The following TENM1 variants were observed in gnomAD, a reference collection of about 807,000 sequenced individuals.
The protein encoded by TENM1 is teneurin-1.
A neutral mutation model predicts 174.8 loss-of-function variants in TENM1; 35 were observed. The observed-to-expected ratio is 0.20, with a 90% CI of 0.15 to 0.27. The LOEUF (loss-of-function observed/expected upper bound fraction) is 0.27, where lower values mean the gene tolerates loss of function less well. Ranked by LOEUF, TENM1 falls within the 10% of genes least tolerant of loss-of-function variation. TENM1 has a pLI of 1.00. For synonymous variants in TENM1, 781 were observed against 798.7 expected (o/e 0.98, Z 0.37); for missense variants, 1,633 against 2,130.1 (o/e 0.77, Z 4.59).
At chrX:125,132,676 G>A in the TENM1 span, among the ~76,000 whole-genome samples, 1 of 111,532 alleles carries the variant, frequency 9.0e-6, no homozygotes, top group Non-Finnish European at 1.9e-5. Flanking sequence ...ATTGATTGTA[G>A]GTACTATTAT....
chrX:124,827,733 G>C (rs186927821), intron 3 of TENM1, among the ~76,000 whole-genome samples: 1 of 111,690 alleles, frequency 9.0e-6, no homozygotes, highest in Non-Finnish European at 1.9e-5. Flanking sequence ...GATAAGCAGC[G>C]TGTACCCTTA....
chrX:124,545,781 T>C (rs2048415271), intron 15 of TENM1, among the ~76,000 whole-genome samples: 1 of 111,837 alleles, frequency 8.9e-6, no homozygotes, highest in Admixed American at 9.5e-5. Flanking sequence ...AAGGAAAACT[T>C]TGACTAGATC....
At position 124,575,106 on chromosome X, in the gene TENM1, T is replaced by C. The variant is rs767287408; in HGVS notation, c.2078-9546A>G. ...TTGGTGTCTATTTCTCTAAAAGTAA[T>C]TAGAAGAACATATTAGTTGATGAGG... On this transcript the variant is annotated intron_variant, in intron 11 of 31. Transcript: ENST00000422452. Among the ~76,000 whole-genome samples the C allele has an allele frequency of 4.5e-5, 5 of 111,995 alleles. No homozygotes were observed. In the East Asian group the frequency reaches 1.4e-3, roughly 31 times the overall value.
the TENM1 span, among the ~76,000 whole-genome samples, chrX:125,150,888 C>G: frequency 2.7e-5 from 3 of 112,227 alleles, no homozygotes; most frequent in Non-Finnish European, 5.6e-5. Flanking sequence ...TCAGTGAGAT[C>G]GTGATTCAAT....
At chrX:124,802,098 A>C (rs1356383028) in intron 3 of TENM1, among the ~76,000 whole-genome samples, 1 of 111,499 alleles carries the variant, frequency 9.0e-6, no homozygotes, top group Non-Finnish European at 1.9e-5. Flanking sequence ...GACCTTCTGA[A>C]GCCTACTTCT....
intron 16 of TENM1, among the ~76,000 whole-genome samples, chrX:124,525,912 T>C (rs2047964411): frequency 8.9e-6 from 1 of 112,408 alleles, no homozygotes; most frequent in Non-Finnish European, 1.9e-5. Flanking sequence ...TCAAATCAGA[T>C]TCATTGCCCT....
chrX:124,507,658 C>T (rs1417340696), intron 18 of TENM1, among the ~76,000 whole-genome samples: 1 of 111,879 alleles, frequency 8.9e-6, no homozygotes, highest in African/African-American at 3.2e-5. Flanking sequence ...GGCAAGAAGG[C>T]TGAGGGTCAC....
At chrX:124,982,666 G>A in the TENM1 span, among the ~76,000 whole-genome samples, 1 of 112,157 alleles carries the variant, frequency 8.9e-6, no homozygotes, top group Non-Finnish European at 1.9e-5. Flanking sequence ...TGAGAGACAT[G>A]GGCCTTTTAT....
At chrX:125,087,595 A>G in the TENM1 span, among the ~76,000 whole-genome samples, 2 of 111,088 alleles carry the variant, frequency 1.8e-5, no homozygotes, top group East Asian at 5.6e-4. Context: ...ATTAAAAGCA[A>G]AGAAGTGAAA....
the TENM1 span, among the ~76,000 whole-genome samples, chrX:125,111,510 T>C: frequency 8.9e-6 from 1 of 112,365 alleles, no homozygotes; most frequent in African/African-American, 3.2e-5. Context: ...AACAATATTA[T>C]TGATAACTGT....
At chrX:124,390,833 T>C (rs1464694530) in intron 28 of TENM1, among the ~76,000 whole-genome samples, 1 of 112,428 alleles carries the variant, frequency 8.9e-6, no homozygotes, top group African/African-American at 3.2e-5. Context: ...CCAATCATTC[T>C]TGTTACCAAA....
At chrX:124,853,538 G>C (rs1276809435) in intron 3 of TENM1, among the ~76,000 whole-genome samples, 3 of 111,439 alleles carry the variant, frequency 2.7e-5, no homozygotes, top group Admixed American at 9.6e-5. Flanking sequence ...AGTATAAATA[G>C]AGGTATATTT....
the TENM1 span, among the ~76,000 whole-genome samples, chrX:125,124,521 T>C: frequency 3.6e-5 from 4 of 111,871 alleles, no homozygotes; most frequent in Non-Finnish European, 5.6e-5. Flanking sequence ...GGCGACCAAA[T>C]GCGACTAGGA....
chrX:124,653,953 C>G (rs897265185), intron 6 of TENM1, among the ~76,000 whole-genome samples, 170 bp from the exon 10 acceptor site: 1 of 111,947 alleles, frequency 8.9e-6, no homozygotes, highest in Non-Finnish European at 1.9e-5. Context: ...ATCTAAGAAG[C>G]CTTCCCCAAC....
Position 124,673,041 on chromosome X carries a change from C to T in TENM1, c.1016-1206G>A, listed in dbSNP as rs1206518738. Reference sequence around the variant, plus strand: ...TGCCATCTGTGAAAAAGAAAGCTTTCGGTTTAAAGGAACAGGAGGTTAAAA... The same window carrying T: ...TGCCATCTGTGAAAAAGAAAGCTTTTGGTTTAAAGGAACAGGAGGTTAAAA... On this transcript the variant is annotated intron_variant, in intron 5 of 31. Coordinates refer to ENST00000422452, the Ensembl canonical transcript of TENM1. Among the ~76,000 whole-genome samples, 8 of 111,336 alleles carry T rather than the reference C, an allele frequency of 7.2e-5. No individual in the cohort carries two copies. The East Asian group carries it at 1.1e-3, about 16-fold the overall frequency.
At chrX:124,549,275 T>C (rs149338631) in intron 14 of TENM1, among the ~76,000 whole-genome samples, 2,269 of 112,269 alleles carry the variant, frequency 0.02, 62 homozygotes, top group African/African-American at 0.068. Flanking sequence ...ATGTCTGGAA[T>C]TGGTGCATAA....
At chrX:124,665,075 C>T (rs182333832) in intron 6 of TENM1, among the ~76,000 whole-genome samples, 3 of 111,873 alleles carry the variant, frequency 2.7e-5, no homozygotes, top group Non-Finnish European at 5.6e-5. Context: ...TGGTGGCTCA[C>T]GCTTGTAATC....
chrX:124,756,740 T>C (rs2054257656), intron 3 of TENM1, among the ~76,000 whole-genome samples: 1 of 111,782 alleles, frequency 8.9e-6, no homozygotes, highest in Non-Finnish European at 1.9e-5. Flanking sequence ...TCTGTTGGAG[T>C]TTGCTAGAGG....
At chrX:124,551,127 T>C (rs2048554793) in intron 14 of TENM1, among the ~76,000 whole-genome samples, 1 of 112,444 alleles carries the variant, frequency 8.9e-6, no homozygotes, top group Admixed American at 9.4e-5. Flanking sequence ...AGTTCCTCAT[T>C]TGTAAGATGT....
Sources: allele counts gnomAD v4.1 joint callset (sites outside exome capture counted in the v4.1 genomes callset), GRCh38; gene constraint gnomAD v4.1.1; transcripts MANE v1.5; gene names NCBI Gene and HGNC (gene_info 2026-07-23, HGNC 2026-07-21).